Variants in SPECC1L observed in about 807,000 individuals in gnomAD.
SPECC1L encodes cytospin-A.
Under a neutral mutation model 116.8 loss-of-function variants are expected in SPECC1L, and 40 were observed. The ratio of observed to expected loss-of-function variants is 0.34; its 90% CI spans 0.27 to 0.45. SPECC1L has a LOEUF of 0.45. Ranked by LOEUF, SPECC1L falls within the 20% of genes least tolerant of loss-of-function variation. SPECC1L has a pLI of 1.00. For synonymous variants in SPECC1L, 504 were observed against 500.6 expected, an observed-to-expected ratio of 1.01 and a Z score of -0.09; for missense variants, 1,110 against 1,373.6, an observed-to-expected ratio of 0.81 and a Z score of 3.03.
chr22:24,325,261 C>G (rs773686204), intron 6 of SPECC1L, among the ~76,000 whole-genome samples: 22 of 152,174 alleles, frequency 1.4e-4, no homozygotes. Context: ...AGGAAGGAAA[C>G]TGCTGTTAGA....
intron 14 of SPECC1L, among the ~76,000 whole-genome samples, chr22:24,381,801 G>A (rs536849496): frequency 2.0e-5 from 3 of 152,236 alleles, no homozygotes; most frequent in Non-Finnish European, 2.9e-5. Context: ...GGAGAATGGC[G>A]TGAAACCGGG....
intron 14 of SPECC1L, among the ~76,000 whole-genome samples, chr22:24,392,551 A>G (rs1916734228): frequency 6.6e-6 from 1 of 152,208 alleles, no homozygotes; most frequent in African/African-American, 2.4e-5. Flanking sequence ...TCTCCATTTG[A>G]GAAGCAGGTT....
At chr22:24,397,998 C>G (rs2042399595) in intron 14 of SPECC1L, among the ~76,000 whole-genome samples, 1 of 152,204 alleles carries the variant, frequency 6.6e-6, no homozygotes, top group South Asian at 2.1e-4. Context: ...CCTGGAGACC[C>G]TGTGACAGAA....
intron 4 of SPECC1L, among the ~76,000 whole-genome samples, chr22:24,317,442 A>AC (rs1457936332): frequency 1.6e-5 from 1 of 63,648 alleles, no homozygotes; most frequent in African/African-American, 5.8e-5. Context: ...CGGGGGGCTG[A>AC]CCCCCCAACC....
chr22:24,289,097 T>C (rs1327705179), intron 2 of SPECC1L, among the ~76,000 whole-genome samples: 7 of 152,242 alleles, frequency 4.6e-5, no homozygotes, highest in African/African-American at 1.7e-4. Flanking sequence ...GATACCAAAT[T>C]GTGCAAGTTT....
At chr22:24,363,760 CTAGA>C (rs1486876640) in intron 12 of SPECC1L, among the ~76,000 whole-genome samples, 1 of 151,968 alleles carries the variant, frequency 6.6e-6, no homozygotes, top group Non-Finnish European at 1.5e-5. Context: ...TAAAATTATG[CTAGA>C]AATATATAAG....
At chr22:24,364,685 CCT>C (rs1360053100) in intron 12 of SPECC1L, among the ~76,000 whole-genome samples, 141 of 150,774 alleles carry the variant, frequency 9.4e-4, no homozygotes, top group African/African-American at 3.4e-3. Flanking sequence ...AAAAAAGTGC[CCT>C]GAGCTAGCAT....
chr22:24,372,718 A>T (rs2041895695), intron 14 of SPECC1L, among the ~76,000 whole-genome samples: 1 of 151,134 alleles, frequency 6.6e-6, no homozygotes, highest in South Asian at 2.1e-4. Context: ...CTGGCACAAG[A>T]CAGGGATGCC....
chr22:24,315,505 C>T (rs1030727781), intron 4 of SPECC1L, among the ~76,000 whole-genome samples: 2 of 152,262 alleles, frequency 1.3e-5, no homozygotes, highest in African/African-American at 4.8e-5. Context: ...CTGGGGTCAT[C>T]ACCACATTTA....
intron 14 of SPECC1L, among the ~76,000 whole-genome samples, chr22:24,394,121 T>C (rs1264694144): frequency 1.3e-5 from 2 of 152,228 alleles, no homozygotes; most frequent in Non-Finnish European, 2.9e-5. Flanking sequence ...TTATTGCTTA[T>C]TGTAAGCAAA....
chr22:24,381,842 C>T (rs1407935726), intron 14 of SPECC1L, among the ~76,000 whole-genome samples: 2 of 152,170 alleles, frequency 1.3e-5, no homozygotes, highest in Admixed American at 6.5e-5. Context: ...CAAGATCGCA[C>T]CACTGCACTC....
intron 10 of SPECC1L, 116 bp downstream of exon 10, chr22:24,338,593 T>C: frequency 1.2e-6 from 1 of 820,690 alleles, no homozygotes; most frequent in South Asian, 1.5e-5. Flanking sequence ...TCAGCAGGGA[T>C]GTATCTAGAA....
chr22:24,284,794 C>T (rs1283263397), intron 2 of SPECC1L, among the ~76,000 whole-genome samples: 1 of 152,032 alleles, frequency 6.6e-6, no homozygotes, highest in Non-Finnish European at 1.5e-5. Context: ...TAAAAAGCAA[C>T]AGTTCAGAAA....
rs1212830467 is a variant in SPECC1L, at chr22:24,363,928, GGTGGGGGTGGGA to G, written c.2827+592_2827+603del. Reference sequence around the variant, plus strand: ...CAGTAAAGTGGGCGGTGGGGGTGGGGGTGGGGGTGGGAGTGGGGGCAGCAGTTTTTAGTAATC... The same window carrying G: ...CAGTAAAGTGGGCGGTGGGGGTGGGGGTGGGGGCAGCAGTTTTTAGTAATC... On this transcript the variant is annotated intron_variant, in intron 12 of 16. Transcript: ENST00000314328. Among the ~76,000 whole-genome samples the G allele has an allele frequency of 4.8e-4, 69 of 144,840 alleles. 1 individual carries two copies. The highest frequency in any genetic ancestry group is 1.7e-3 in the African/African-American group (68 of 39,918).
chr22:24,412,466 C>T lies in SPECC1L; in HGVS notation c.3205-182C>T, dbSNP rs148500306. 8.9e-4 allele frequency: 599 copies of T among 671,714 alleles called. 5 individuals carry two copies. The highest frequency in any genetic ancestry group is 8.9e-3 in the African/African-American group (504 of 56,696). 41.6% of individuals were successfully genotyped at this position (671,714 alleles called of 1,614,324 possible). A position where few individuals can be genotyped will look rare whatever the true frequency, so the allele number is the denominator to read the frequency against. ...CAGCAGGTCAGGAGGGGAGGGTGGC[C>T]GGGCCTAGTGCAGGGTACTTGGTGC... On this transcript the variant is annotated intron_variant, in intron 15 of 16. Transcript: ENST00000314328.
rs1199045037 is a variant in SPECC1L at position 24,415,811 on chromosome 22, G to T, written c.*1188G>T. 6.6e-6 allele frequency: 1 copy of T among 152,172 alleles called. No individual in the cohort carries two copies. Among genetic ancestry groups the T allele is most frequent in the Admixed American group, 6.5e-5 (1 of 15,280 alleles). 9.4% of individuals were successfully genotyped at this position (152,172 alleles called of 1,614,324 possible). On this transcript the variant is annotated 3_prime_UTR_variant, in exon 17 of 17. Coordinates refer to ENST00000314328, the MANE Select transcript of SPECC1L (RefSeq NM_015330.6). ...CTGTGCCCACCCTCCCCAGGTGCTGGGTCCATGCTGTTTGAACCAAAGCCT... is the reference window on the plus strand; with the variant it reads ...CTGTGCCCACCCTCCCCAGGTGCTGTGTCCATGCTGTTTGAACCAAAGCCT...
In SPECC1L at chr22:24,296,362, CATCT is replaced by C. The variant is rs372525569; in HGVS notation, c.-37-5830_-37-5827del. 1.7e-3 allele frequency among the ~76,000 whole-genome samples: 261 copies of C among 152,276 alleles called. No individual in the cohort carries two copies. In the East Asian group the frequency reaches 0.019, roughly 11 times the overall value. The stretch of plus-strand genomic sequence containing the variant: ...TTCCCTGTTATTTTTGGGAGCAGTG[CATCT>C]ATTTTGGTGTTTTTAAGAAACACTG... On this transcript the variant is annotated intron_variant, in intron 2 of 16. Coordinates refer to ENST00000314328, the MANE Select transcript of SPECC1L (RefSeq NM_015330.6).
intron 15 of SPECC1L, 97 bp downstream of exon 15, chr22:24,411,801 C>A: frequency 9.9e-7 from 1 of 1,011,348 alleles, no homozygotes; most frequent in Non-Finnish European, 1.6e-6. Context: ...CATGCCACAG[C>A]GCTGGCTTGC....
At position 24,328,878 on chromosome 22, in the gene SPECC1L, G is replaced by C; in HGVS notation, c.2179G>C (p.Asp727His). 1 of 1,613,710 alleles carries C rather than the reference G, an allele frequency of 6.2e-7. No individual in the cohort carries two copies. The highest frequency in any genetic ancestry group is 8.5e-7 in the Non-Finnish European group (1 of 1,179,714). The change falls in exon 7 of 17, where the codon GAC becomes CAC. Residue 727 changes from aspartate to histidine, a missense_variant. Physicochemically the swap from Asp to His is moderately conservative, Grantham distance 81. Transcript: ENST00000314328. ...TAAAAAACTCCAGGACCAAAAGCAC[G>C]ACATGGAAAGAGAAATAAAGACACT... ...TVKKLQDQKH[D>H]MEREIKTLHR...
Sources: gnomAD v4.1 joint callset for allele counts (sites outside exome capture counted in the v4.1 genomes callset) on GRCh38, gnomAD v4.1.1 for gene constraint, MANE v1.5 for transcripts, NCBI Gene and HGNC (gene_info 2026-07-23, HGNC 2026-07-21) for gene names.